RBM12: variants seen among roughly 807,000 people sequenced by gnomAD.
RBM12 encodes RNA-binding protein 12.
Under a neutral mutation model 37.2 loss-of-function variants are expected in RBM12, and 24 were observed. The observed-to-expected ratio is 0.65, with a 90% confidence interval of 0.47 to 0.91. The LOEUF (loss-of-function observed/expected upper bound fraction) is 0.91, where lower values mean the gene tolerates loss of function less well. RBM12 is among the 40% of genes least tolerant of loss of function. The probability of loss-of-function intolerance (pLI) is 0.00; values close to 1 mark genes in which losing one functional copy is unlikely to be tolerated. For missense variants in RBM12, 1,061 were observed against 1,183.2 expected (o/e 0.90, Z 1.52); for synonymous variants, 420 against 425.2 (o/e 0.99, Z 0.15).
intron 2 of RBM12, among the ~76,000 whole-genome samples, chr20:35,658,553 G>A (rs2034038282): frequency 6.6e-6 from 1 of 152,060 alleles, no homozygotes; most frequent in Non-Finnish European, 1.5e-5. Flanking sequence ...AAGGTCAGGA[G>A]TTCAAGACCA....
In RBM12 at chr20:35,652,446, G is replaced by A; in HGVS notation, c.*78C>T. 6.8e-7 allele frequency: 1 copy of A among 1,479,742 alleles called. No individual in the cohort carries two copies. The highest frequency in any genetic ancestry group is 2.3e-5 in the East Asian group (1 of 44,068). 91.7% of individuals were successfully genotyped at this position (1,479,742 alleles called of 1,614,324 possible). On this transcript the variant is annotated 3_prime_UTR_variant, in exon 3 of 3. Transcript: ENST00000374114. ...TGAAACAATCCACAGGTTCTAACCT[G>A]GAAATACTAGGAAAACAATCTGGAT...
intron 1 of RBM12, among the ~76,000 whole-genome samples, chr20:35,663,652 C>G (rs967509229): frequency 2.0e-5 from 3 of 152,166 alleles, no homozygotes; most frequent in African/African-American, 4.8e-5. Flanking sequence ...CATGACACCA[C>G]GCAGATGAGT....
Position 35,653,893 on chromosome 20 carries a change from T to C in RBM12, c.1430A>G (p.Glu477Gly). The change falls in exon 3 of 3, where the codon GAG (glutamate) becomes GGG (glycine). Residue 477 changes from glutamate (E) to glycine (G), a missense_variant. By Grantham distance (98) the Glu-to-Gly change is moderately conservative (BLOSUM62 -2). Around this residue, in one of 3 missense-constraint regions of RBM12, gnomAD observed 540 missense variants for 632.7 expected, o/e 0.85. Coordinates refer to ENST00000374114, the MANE Select transcript of RBM12 (RefSeq NM_006047.6). ...NGKATGEGFVEFRNEADYKAA... is the reference protein window; with the variant it reads ...NGKATGEGFVGFRNEADYKAA... Reference sequence around the variant, plus strand: ...CTTATAGTCAGCCTCATTTCTGAACTCTACAAAGCCTTCGCCAGTTGCTTT... The same window carrying C: ...CTTATAGTCAGCCTCATTTCTGAACCCTACAAAGCCTTCGCCAGTTGCTTT... 1 of 1,614,210 alleles carries C rather than the reference T, an allele frequency of 6.2e-7. No homozygotes were observed. Among genetic ancestry groups the C allele is most frequent in the Non-Finnish European group, 8.5e-7 (1 of 1,180,046 alleles).
chr20:35,664,782 G>C lies in RBM12; in HGVS notation c.-130C>G, dbSNP rs1043650436. ...TACCGGGGAAAGCTGCGCGGCACCA[G>C]AACCCAGACCCCGAATTACCCCCCG... On this transcript the variant is annotated 5_prime_UTR_variant, in exon 1 of 3. Coordinates refer to ENST00000374114, the MANE Select transcript of RBM12 (RefSeq NM_006047.6). 6.6e-6 allele frequency: 1 copy of C among 152,428 alleles called. No individual in the cohort carries two copies. The highest frequency in any genetic ancestry group is 6.5e-5 in the Admixed American group (1 of 15,296). 9.4% of individuals were successfully genotyped at this position (152,428 alleles called of 1,614,324 possible). A position where few individuals can be genotyped will look rare whatever the true frequency, so the allele number is the denominator to read the frequency against.
chr20:35,652,938 G>A lies in RBM12; in HGVS notation c.2385C>T (p.Gly795=). The change falls in exon 3 of 3, where the codon GGC becomes GGT. Residue 795 remains glycine (G), a synonymous_variant. Transcript: ENST00000374114. ...FGGGPQNFGN[G]PGSLGGPPGF... is the part of the protein sequence containing the mutation. ...CCGGGGGACCGCCTAAGCTACCAGG[G>A]CCATTTCCAAAATTCTGAGGGCCCC... The A allele has an allele frequency of 6.2e-7, 1 of 1,613,774 alleles. No homozygotes were observed. Among genetic ancestry groups the A allele is most frequent in the Non-Finnish European group, 8.5e-7 (1 of 1,180,022 alleles).
chr20:35,658,056 T>G (rs902560729), intron 2 of RBM12, among the ~76,000 whole-genome samples: 6 of 151,508 alleles, frequency 4.0e-5, no homozygotes, highest in South Asian at 2.1e-4. Context: ...CAAAAAGAAA[T>G]AAATAAATAA....
At chr20:35,657,724 C>A (rs1254131977) in intron 2 of RBM12, among the ~76,000 whole-genome samples, 1 of 152,228 alleles carries the variant, frequency 6.6e-6, no homozygotes, top group South Asian at 2.1e-4. Context: ...ATTCATAAAG[C>A]CATCTGATGA....
chr20:35,664,395 A>T (rs1601506417), intron 1 of RBM12: 1 of 152,202 alleles, frequency 6.6e-6, no homozygotes, highest in South Asian at 2.1e-4. Flanking sequence ...CCTCTGCTTC[A>T]CTGGGGGAGA....
intron 1 of RBM12, among the ~76,000 whole-genome samples, chr20:35,659,725 C>G (rs894256135): frequency 6.6e-6 from 1 of 152,090 alleles, no homozygotes; most frequent in Non-Finnish European, 1.5e-5. Context: ...AAGAGTATAT[C>G]CCAAAATAAA....
chr20:35,652,409 G>T lies in RBM12; in HGVS notation c.*115C>A. 1 of 1,241,848 alleles carries T rather than the reference G, an allele frequency of 8.1e-7. No homozygotes were observed. Among genetic ancestry groups the T allele is most frequent in the Non-Finnish European group, 1.1e-6 (1 of 896,584 alleles). 76.9% of individuals were successfully genotyped at this position (1,241,848 alleles called of 1,614,324 possible). On this transcript the variant is annotated 3_prime_UTR_variant, in exon 3 of 3. Coordinates refer to ENST00000374114, the MANE Select transcript of RBM12 (RefSeq NM_006047.6). ...CAATGCTCTATGTTATGGAAACCAA[G>T]CTATATGCAATTGAAACAATCCACA... is the stretch of plus-strand genomic sequence containing the variant.
At position 35,653,509 on chromosome 20, in the gene RBM12, T is replaced by A. The variant is rs755573117; in HGVS notation, c.1814A>T (p.His605Leu). ...TTCTCTCCCATTAAGTTTTTTACGG[T>A]GTAAGCGTTCAGACTTACGTGCATC... ...EDDARKSERLHRKKLNGREAF... is the reference protein window; with the variant it reads ...EDDARKSERLLRKKLNGREAF... Residue 605 changes from histidine (H) to leucine (L), a missense_variant, in exon 3 of 3, where the codon CAC becomes CTC. By Grantham distance (99) the His-to-Leu change is moderately conservative. Transcript: ENST00000374114. 6.2e-7 allele frequency: 1 copy of A among 1,614,234 alleles called. No homozygotes were observed. The highest frequency in any genetic ancestry group is 1.1e-5 in the South Asian group (1 of 91,090).
At position 35,653,531 on chromosome 20, in the gene RBM12, C is replaced by T. The variant is rs1245876342; in HGVS notation, c.1792G>A (p.Ala598Thr). Reference protein sequence around the residue: ...ALVQFKNEDDARKSERLHRKK... With the variant: ...ALVQFKNEDDTRKSERLHRKK... ...CGGTGTAAGCGTTCAGACTTACGTG[C>T]ATCATCTTCATTTTTAAACTGAACC... Residue 598 changes from alanine to threonine, a missense_variant, in exon 3 of 3, where the codon GCA becomes ACA. Coordinates refer to ENST00000374114, the MANE Select transcript of RBM12 (RefSeq NM_006047.6). 1 of 1,614,088 alleles carries T rather than the reference C, an allele frequency of 6.2e-7. No homozygotes were observed. The highest frequency in any genetic ancestry group is 2.2e-5 in the East Asian group (1 of 44,902).
chr20:35,649,836 C>A lies in RBM12; in HGVS notation c.*2688G>T, dbSNP rs954046416. 34 of 151,842 alleles carry A rather than the reference C, an allele frequency of 2.2e-4. 1 individual carries two copies. Among genetic ancestry groups the A allele is most frequent in the Non-Finnish European group, 3.4e-4 (23 of 67,942 alleles). 9.4% of individuals were successfully genotyped at this position (151,842 alleles called of 1,614,324 possible). A position where few individuals can be genotyped will look rare whatever the true frequency, so the allele number is the denominator to read the frequency against. ...TTCTCTTCCATTAATGTCAGAGTCA[C>A]CAAAAACAGACAATAAAATTTACAC... On this transcript the variant is annotated 3_prime_UTR_variant, in exon 3 of 3. Transcript: ENST00000374114.
chr20:35,660,048 TAAAGGAC>T, intron 1 of RBM12, among the ~76,000 whole-genome samples: 1 of 152,226 alleles, frequency 6.6e-6, no homozygotes, highest in East Asian at 1.9e-4. Flanking sequence ...TGTGATTTTC[TAAAGGAC>T]AAACTATTCA....
Position 35,654,081 on chromosome 20 carries a change from G to A in RBM12, c.1242C>T (p.Pro414=). ...PPQTLPRSKS[P]SGQKRSRSRS... is the part of the protein sequence containing the mutation. ...TTGACCTTGATCTTTTCTGCCCACT[G>A]GGCGATTTTGACCTGGGAAGTGTCT... The change falls in exon 3 of 3, where the codon CCC becomes CCT. Residue 414 remains proline (P), a synonymous_variant. Coordinates refer to ENST00000374114, the MANE Select transcript of RBM12 (RefSeq NM_006047.6). The A allele has an allele frequency of 2.5e-6, 4 of 1,614,162 alleles. No individual in the cohort carries two copies. Among genetic ancestry groups the A allele is most frequent in the Non-Finnish European group, 2.5e-6 (3 of 1,180,020 alleles).
chr20:35,658,820 C>CAT (rs1040406984), intron 2 of RBM12, 110 bp downstream of exon 2: 1 of 622,930 alleles, frequency 1.6e-6, no homozygotes, highest in African/African-American at 1.9e-5. Flanking sequence ...CACACACACA[C>CAT]ACACACACAC....
Position 35,653,456 on chromosome 20 carries a change from C to T in RBM12, c.1867G>A (p.Asp623Asn). 3 of 1,614,198 alleles carry T rather than the reference C, an allele frequency of 1.9e-6. No homozygotes were observed. The South Asian group carries it at 3.3e-5, about 18-fold the overall frequency. The change falls in exon 3 of 3, where the codon GAT becomes AAT. Residue 623 changes from aspartate to asparagine, a missense_variant. Coordinates refer to ENST00000374114, the MANE Select transcript of RBM12 (RefSeq NM_006047.6). Reference sequence around the variant, plus strand: ...GGATTTTTCTCAATCTCTCTCATATCTTCTAGGGTAACTACATGAACAAAA... The same window carrying T: ...GGATTTTTCTCAATCTCTCTCATATTTTCTAGGGTAACTACATGAACAAAA... ...EAFVHVVTLE[D>N]MREIEKNPPA...
rs1390492299 is a variant in RBM12, at chr20:35,654,564, T to G, written c.759A>C (p.Ala253=). 2 of 1,614,174 alleles carry G rather than the reference T, an allele frequency of 1.2e-6. No homozygotes were observed. The highest frequency in any genetic ancestry group is 4.5e-5 in the East Asian group (2 of 44,884). ...GMPPLNPPPV[A]PLPAGMNGSG... ...AGCCATTCATTCCAGCAGGTAGAGG[T>G]GCCACAGGTGGCGGATTCAAGGGCG... Residue 253 remains alanine (A), a synonymous_variant, in exon 3 of 3, where the codon GCA becomes GCC. Coordinates refer to ENST00000374114, the MANE Select transcript of RBM12 (RefSeq NM_006047.6).
In RBM12 at chr20:35,653,315, C is replaced by A; in HGVS notation, c.2008G>T (p.Ala670Ser). The A allele has an allele frequency of 6.2e-7, 1 of 1,613,848 alleles. No individual in the cohort carries two copies. Among genetic ancestry groups the A allele is most frequent in the Non-Finnish European group, 8.5e-7 (1 of 1,179,886 alleles). The change falls in exon 3 of 3, where the codon GCA becomes TCA. Residue 670 changes from alanine (A) to serine (S), a missense_variant. This residue lies in a region of RBM12 where 517 missense variants were observed against 534.0 expected (regional missense o/e 0.97). Coordinates refer to ENST00000374114, the MANE Select transcript of RBM12 (RefSeq NM_006047.6). ...GGCAGTCCTGTGCTGGGCAGGCCTGCACCGGGAAGTCCTGCACTGGGCAGT... is the reference window on the plus strand; with the variant it reads ...GGCAGTCCTGTGCTGGGCAGGCCTGAACCGGGAAGTCCTGCACTGGGCAGT... ...VGLPSAGLPG[A>S]GLPSTGLPGS...
Sources: allele counts gnomAD v4.1 joint callset (sites outside exome capture counted in the v4.1 genomes callset), GRCh38; gene constraint gnomAD v4.1.1; regional missense constraint gnomAD v4.1.1; transcripts MANE v1.5; gene names NCBI Gene and HGNC (gene_info 2026-07-23, HGNC 2026-07-21).